The following KALRN variants were observed in gnomAD, a reference collection of about 807,000 sequenced individuals.
The protein encoded by KALRN is kalirin RhoGEF kinase.
KALRN carries 70 observed loss-of-function variants against 353.7 expected under a neutral mutation model. The ratio of observed to expected loss-of-function variants is 0.20; its 90% CI spans 0.16 to 0.24. The LOEUF (loss-of-function observed/expected upper bound fraction) is 0.24, where lower values mean the gene tolerates loss of function less well. Ranked by LOEUF, KALRN falls within the 10% of genes least tolerant of loss-of-function variation. KALRN has a pLI of 1.00. For synonymous variants in KALRN, 1,391 were observed against 1,434.8 expected, an observed-to-expected ratio of 0.97 and a Z score of 0.69; for missense variants, 2,791 against 3,756.7, an observed-to-expected ratio of 0.74 and a Z score of 6.72.
intron 34 of KALRN, among the ~76,000 whole-genome samples, chr3:124,600,858 G>A (rs566020386): frequency 1.3e-5 from 2 of 152,332 alleles, no homozygotes; most frequent in East Asian, 3.9e-4. Flanking sequence ...AGGAAAACCA[G>A]ATTACAAAGC....
intron 11 of KALRN, among the ~76,000 whole-genome samples, chr3:124,386,350 A>G (rs2088308524): frequency 6.6e-6 from 1 of 152,124 alleles, no homozygotes; most frequent in Non-Finnish European, 1.5e-5. Flanking sequence ...CCTGTAGGTG[A>G]TGGAATGGAG....
chr3:124,517,400 G>A (rs1017927326), intron 33 of KALRN, among the ~76,000 whole-genome samples: 4 of 152,176 alleles, frequency 2.6e-5, no homozygotes, highest in South Asian at 2.1e-4. Flanking sequence ...ATTTCCATGC[G>A]GCAAGTGTGA....
chr3:124,490,623 G>T (rs572229800), intron 29 of KALRN, 71 bp from the exon 30 acceptor site: 18 of 1,417,852 alleles, frequency 1.3e-5, no homozygotes, highest in African/African-American at 1.1e-4. Context: ...TTCTCCAAGA[G>T]GGGGGTGGAA....
chr3:124,660,780 T>C, intron 43 of KALRN, 143 bp from the exon 44 acceptor site: 1 of 600,938 alleles, frequency 1.7e-6, no homozygotes, highest in East Asian at 2.8e-5. Flanking sequence ...TAATTTCATT[T>C]CTCAGCTACT....
chr3:124,469,129 G>A (rs552711066), intron 25 of KALRN, among the ~76,000 whole-genome samples: 14 of 152,310 alleles, frequency 9.2e-5, no homozygotes, highest in African/African-American at 3.4e-4. Context: ...ATATATCTAT[G>A]CAAATAACTT....
At chr3:124,522,113 CTGAGAAAA>C (rs2067211210) in intron 33 of KALRN, among the ~76,000 whole-genome samples, 1 of 151,758 alleles carries the variant, frequency 6.6e-6, no homozygotes, top group Non-Finnish European at 1.5e-5. Context: ...AAAGACCTTC[CTGAGAAAA>C]TGATGTACTC....
At chr3:124,331,002 G>A (rs139671177) in intron 8 of KALRN, among the ~76,000 whole-genome samples, 104 of 152,310 alleles carry the variant, frequency 6.8e-4, no homozygotes, top group African/African-American at 2.5e-3. Flanking sequence ...CTAGGTAAGA[G>A]TAAGGGTTTT....
At chr3:124,408,794 C>T (rs1400458985) in intron 13 of KALRN, among the ~76,000 whole-genome samples, 2 of 152,102 alleles carry the variant, frequency 1.3e-5, no homozygotes, top group East Asian at 1.9e-4. Context: ...GGGACTATAG[C>T]TTTCTCTACA....
intron 1 of KALRN, among the ~76,000 whole-genome samples, chr3:124,049,607 G>A (rs568261080): frequency 5.3e-4 from 80 of 152,332 alleles, no homozygotes; most frequent in African/African-American, 1.9e-3. Context: ...TCAGATGGGA[G>A]TGACAGCCTG....
chr3:124,699,426 T>C (rs2150661778), intron 55 of KALRN, among the ~76,000 whole-genome samples: 1 of 152,368 alleles, frequency 6.6e-6, no homozygotes, highest in South Asian at 2.1e-4. Flanking sequence ...ATGAGAGAAT[T>C]ATGTTGAAAA....
At chr3:124,237,097 TG>T (rs1271340498) in intron 3 of KALRN, among the ~76,000 whole-genome samples, 1 of 152,266 alleles carries the variant, frequency 6.6e-6, no homozygotes, top group Admixed American at 6.5e-5. Flanking sequence ...GGAACAGGAT[TG>T]TTCTAAAGAC....
intron 9 of KALRN, among the ~76,000 whole-genome samples, chr3:124,336,904 G>T (rs937765373): frequency 2.0e-5 from 3 of 152,060 alleles, no homozygotes; most frequent in Admixed American, 1.3e-4. Flanking sequence ...TGTAGCAATT[G>T]TGAGTGGGAG....
chr3:124,540,926 A>C (rs332410), intron 33 of KALRN, among the ~76,000 whole-genome samples: 1 of 151,942 alleles, frequency 6.6e-6, no homozygotes, highest in African/African-American at 2.4e-5. Flanking sequence ...TGTTCTCCCT[A>C]TTACTCTGGG....
intron 1 of KALRN, among the ~76,000 whole-genome samples, chr3:124,227,034 T>C (rs1347309515): frequency 1.3e-5 from 2 of 152,144 alleles, no homozygotes; most frequent in Non-Finnish European, 2.9e-5. Flanking sequence ...GTTCTTAGGT[T>C]AAATGATAGG....
At chr3:124,569,002 T>A (rs1425682259) in intron 34 of KALRN, among the ~76,000 whole-genome samples, 1 of 152,234 alleles carries the variant, frequency 6.6e-6, no homozygotes, top group Non-Finnish European at 1.5e-5. Flanking sequence ...GTATTGGTCC[T>A]GGGTACTTCT....
At chr3:124,626,527 C>T (rs73191691) in intron 34 of KALRN, among the ~76,000 whole-genome samples, 5,250 of 152,266 alleles carry the variant, frequency 0.034, 111 homozygotes, top group East Asian at 0.09. Context: ...AGAAAGCCAA[C>T]TGTACATACC....
At chr3:124,097,672 C>T (rs556947141) in intron 1 of KALRN, among the ~76,000 whole-genome samples, 15 of 152,246 alleles carry the variant, frequency 9.9e-5, no homozygotes, top group East Asian at 5.8e-4. Flanking sequence ...GAAATAACAG[C>T]GTAGGCTTGA....
chr3:124,238,668 G>T (rs1400820288), intron 3 of KALRN, among the ~76,000 whole-genome samples: 1 of 152,166 alleles, frequency 6.6e-6, no homozygotes, highest in African/African-American at 2.4e-5. Context: ...TTAAGATTTT[G>T]TCTATACCTT....
At chr3:124,686,948 TG>T (rs1196637640) in intron 51 of KALRN, among the ~76,000 whole-genome samples, 9 of 151,652 alleles carry the variant, frequency 5.9e-5, no homozygotes. Flanking sequence ...CCTGAATATC[TG>T]GGACTACAGG....
Sources: allele counts gnomAD v4.1 joint callset (sites outside exome capture counted in the v4.1 genomes callset), GRCh38; gene constraint gnomAD v4.1.1; transcripts MANE v1.5; gene names NCBI Gene and HGNC (gene_info 2026-07-23, HGNC 2026-07-21).